The following OC90 variants were observed in gnomAD, a reference collection of about 807,000 sequenced individuals.
OC90 encodes otoconin 90, also known as otoconin-90.
A neutral mutation model predicts 47.3 loss-of-function variants in OC90; 46 were observed. The ratio of observed to expected loss-of-function variants is 0.97; its 90% CI spans 0.77 to 1.24. The LOEUF is 1.24. Ranked by LOEUF, OC90 falls within the 50% of genes most tolerant of loss-of-function variation. The pLI is 0.00. For missense variants in OC90, 688 were observed against 583.9 expected, an observed-to-expected ratio of 1.18 and a Z score of -1.84; for synonymous variants, 271 against 219.5, an observed-to-expected ratio of 1.23 and a Z score of -2.07.
At chr8:132,036,392 G>A (rs1270506549) in intron 9 of OC90, 2 of 780,834 alleles carry the variant, frequency 2.6e-6, no homozygotes, top group South Asian at 1.3e-5. Flanking sequence ...AGAGTGATCA[G>A]TCTGTCAGCC....
chr8:132,038,896 C>G (rs375738792), intron 7 of OC90, 65 bp from the exon 8 acceptor site: 51 of 1,605,326 alleles, frequency 3.2e-5, no homozygotes, highest in Non-Finnish European at 4.1e-5. Flanking sequence ...TTTGAAGATG[C>G]TGGACTTGGC....
intron 13 of OC90, 71 bp from the exon 14 acceptor site, chr8:132,024,847 G>C: frequency 1.5e-6 from 2 of 1,365,440 alleles, no homozygotes; most frequent in Admixed American, 2.0e-5. Flanking sequence ...CACGGCCCTG[G>C]CCACCCCTCA....
At position 132,024,567 on chromosome 8, in the gene OC90, GGTCCTCCTCGCT is replaced by G. The variant is rs754078672; in HGVS notation, c.1336_1347del (p.Ser446_Asp449del). 2.5e-6 allele frequency: 4 copies of G among 1,612,536 alleles called. No individual in the cohort carries two copies. The highest frequency in any genetic ancestry group is 1.1e-5 in the South Asian group (1 of 90,918). On this transcript the variant is annotated inframe_deletion, in exon 14 of 14. Transcript: ENST00000254627. ...GCTCTGCCGAGGTCCTCCTGTGGAGGGTCCTCCTCGCTGTCCTCCTCAGAGCTGGAGCCCAGG... is the reference window on the plus strand; with the variant it reads ...GCTCTGCCGAGGTCCTCCTGTGGAGGGTCCTCCTCAGAGCTGGAGCCCAGG...
At chr8:132,041,870 A>G (rs1266612661) in intron 4 of OC90, among the ~76,000 whole-genome samples, 171 bp from the exon 5 acceptor site, 1 of 152,110 alleles carries the variant, frequency 6.6e-6, no homozygotes, top group African/African-American at 2.4e-5. Flanking sequence ...CTGGTTTTCT[A>G]CCTAACAACC....
In OC90 at chr8:132,045,867, G is replaced by T; in HGVS notation, c.63C>A (p.Asp21Glu). ...MIPHAGGHPL[D>E]TPHLPQELPP... ...GCAGCTCCTGTGGAAGATGTGGAGT[G>T]TCCAGAGGATGGCCTCCTATAAATA... The change falls in exon 3 of 14, where the codon GAC (aspartate) becomes GAA (glutamate). Residue 21 changes from aspartate (D) to glutamate (E), a missense_variant. Coordinates refer to ENST00000254627, the MANE Select transcript of OC90 (RefSeq NM_001080399.3). The T allele has an allele frequency of 1.9e-6, 3 of 1,542,116 alleles. No individual in the cohort carries two copies. Among genetic ancestry groups the T allele is most frequent in the Non-Finnish European group, 1.8e-6 (2 of 1,138,228 alleles).
At position 132,039,094 on chromosome 8, in the gene OC90, A is replaced by G. The variant is rs1283116556; in HGVS notation, c.487T>C (p.Cys163Arg). 6.2e-7 allele frequency: 1 copy of G among 1,612,382 alleles called. No individual in the cohort carries two copies. Among genetic ancestry groups the G allele is most frequent in the Non-Finnish European group, 8.5e-7 (1 of 1,179,320 alleles). ...TCTATGGCAGCCTTATCACAGGTAC[A>G]CAGCAGGTGCTCACAGTTGTCCTTG... is the stretch of plus-strand genomic sequence containing the variant. The part of the protein sequence containing the change: ...ESKDNCEHLL[C>R]TCDKAAIECL... The change falls in exon 7 of 14, where the codon TGT (cysteine) becomes CGT (arginine). Residue 163 changes from cysteine to arginine, a missense_variant. Physicochemically the swap from Cys to Arg is radical, Grantham distance 180. Coordinates refer to ENST00000254627, the MANE Select transcript of OC90 (RefSeq NM_001080399.3).
rs1563725991 is a variant in OC90, at chr8:132,024,310, G to A, written c.*171C>T. The A allele has an allele frequency of 1.8e-6, 1 of 550,496 alleles. No individual in the cohort carries two copies. Among genetic ancestry groups the A allele is most frequent in the Non-Finnish European group, 3.2e-6 (1 of 315,854 alleles). The allele number at this position is 550,496 out of a possible 1,614,324, so 34.1% of individuals were successfully genotyped here. Reference sequence around the variant, plus strand: ...CTCCAAGTGTACATTGGCTTGTGAGGTGACCACAGCTGATGAGGCATGGGC... The same window carrying A: ...CTCCAAGTGTACATTGGCTTGTGAGATGACCACAGCTGATGAGGCATGGGC... On this transcript the variant is annotated 3_prime_UTR_variant, in exon 14 of 14. Transcript: ENST00000254627.
chr8:132,024,601 C>T lies in OC90; in HGVS notation c.1314G>A (p.Leu438=). 1 of 1,613,576 alleles carries T rather than the reference C, an allele frequency of 6.2e-7. No individual in the cohort carries two copies. The highest frequency in any genetic ancestry group is 8.5e-7 in the Non-Finnish European group (1 of 1,179,740). The change falls in exon 14 of 14, where the codon CTG becomes CTA. Residue 438 remains leucine, a synonymous_variant. Coordinates refer to ENST00000254627, the MANE Select transcript of OC90 (RefSeq NM_001080399.3). ...CGCTGTCCTCCTCAGAGCTGGAGCC[C>T]AGGGTGGGGGCTGCGGGCACAGGGT... ...SLHPVPAAPT[L]GSSSEEDSEE...
intron 2 of OC90, among the ~76,000 whole-genome samples, chr8:132,046,200 T>A (rs936507062): frequency 1.3e-5 from 2 of 152,012 alleles, no homozygotes; most frequent in African/African-American, 2.4e-5. Flanking sequence ...AGATTGCAGG[T>A]TTGTTTTGGA....
intron 2 of OC90, among the ~76,000 whole-genome samples, chr8:132,053,756 G>A (rs1586717126): frequency 6.6e-6 from 1 of 152,318 alleles, no homozygotes; most frequent in Non-Finnish European, 1.5e-5. Flanking sequence ...CAGACAAAGA[G>A]AGCATGTGCT....
At chr8:132,039,948 C>A (rs1266570764) in intron 6 of OC90, among the ~76,000 whole-genome samples, 1 of 152,198 alleles carries the variant, frequency 6.6e-6, no homozygotes, top group Non-Finnish European at 1.5e-5. Context: ...TTGTCCCTCT[C>A]TAACATACTA....
At position 132,029,129 on chromosome 8, in the gene OC90, C is replaced by T. The variant is rs1052112691; in HGVS notation, c.1082G>A (p.Cys361Tyr). ...CCLEQVRRLG[C>Y]LLERLPWSPV... ...TGACCAAGGAAGCCTCTCAAGCAGGCAGCCCAGCCTTCTCACTTGCTCTAG... is the reference window on the plus strand; with the variant it reads ...TGACCAAGGAAGCCTCTCAAGCAGGTAGCCCAGCCTTCTCACTTGCTCTAG... Residue 361 changes from cysteine (C) to tyrosine (Y), a missense_variant, in exon 13 of 14, where the codon TGC (cysteine) becomes TAC (tyrosine). Physicochemically the swap from Cys to Tyr is radical, Grantham distance 194. Coordinates refer to ENST00000254627, the MANE Select transcript of OC90 (RefSeq NM_001080399.3). The T allele has an allele frequency of 6.2e-7, 1 of 1,613,866 alleles. No individual in the cohort carries two copies. The highest frequency in any genetic ancestry group is 8.5e-7 in the Non-Finnish European group (1 of 1,179,894).
intron 2 of OC90, among the ~76,000 whole-genome samples, chr8:132,046,691 A>T (rs962059976): frequency 6.6e-6 from 1 of 152,216 alleles, no homozygotes; most frequent in African/African-American, 2.4e-5. Flanking sequence ...TTCTTTCCCC[A>T]GCAATATAAA....
At chr8:132,047,333 T>A (rs944851653) in intron 2 of OC90, among the ~76,000 whole-genome samples, 22 of 151,960 alleles carry the variant, frequency 1.4e-4, no homozygotes, top group Admixed American at 5.2e-4. Context: ...CTTTTTTTTT[T>A]ATTAAAGGAG....
intron 1 of OC90, among the ~76,000 whole-genome samples, chr8:132,056,897 G>A (rs1823286411): frequency 6.6e-6 from 1 of 152,162 alleles, no homozygotes; most frequent in African/African-American, 2.4e-5. Flanking sequence ...CAGGTTGCCA[G>A]CATGTCTGAA....
chr8:132,026,493 G>A (rs1027237235), intron 13 of OC90, among the ~76,000 whole-genome samples: 2 of 152,188 alleles, frequency 1.3e-5, no homozygotes, highest in African/African-American at 4.8e-5. Context: ...ACATGCAGAG[G>A]TCCTGTTCCC....
At chr8:132,038,170 A>C (rs765295138) in intron 8 of OC90, among the ~76,000 whole-genome samples, 6 of 151,912 alleles carry the variant, frequency 3.9e-5, no homozygotes, top group Admixed American at 6.6e-5. Flanking sequence ...CATAAACCTG[A>C]CTCCCATTTT....
chr8:132,032,538 C>A (rs1196964395), intron 11 of OC90, among the ~76,000 whole-genome samples: 1 of 152,174 alleles, frequency 6.6e-6, no homozygotes, highest in African/African-American at 2.4e-5. Flanking sequence ...CCTCTGTCCA[C>A]AAATCTCAAA....
chr8:132,055,716 T>C (rs1311864274), intron 1 of OC90, among the ~76,000 whole-genome samples: 1 of 152,192 alleles, frequency 6.6e-6, no homozygotes, highest in Non-Finnish European at 1.5e-5. Flanking sequence ...GAATACTTTG[T>C]TGAGGTCCTG....
Sources: allele counts gnomAD v4.1 joint callset (sites outside exome capture counted in the v4.1 genomes callset), GRCh38; gene constraint gnomAD v4.1.1; transcripts MANE v1.5; gene names NCBI Gene and HGNC (gene_info 2026-07-23, HGNC 2026-07-21).